The following NETO1 variants were observed in gnomAD, a reference collection of about 807,000 sequenced individuals.
The protein encoded by NETO1 is neuropilin and tolloid like 1, also known as neuropilin and tolloid-like protein 1.
NETO1 carries 26 observed loss-of-function variants against 61.3 expected under a neutral mutation model. The ratio of observed to expected loss-of-function variants is 0.42; its 90% CI spans 0.31 to 0.59. The LOEUF (loss-of-function observed/expected upper bound fraction) is 0.59, where lower values mean the gene tolerates loss of function less well. Among genes scored for constraint, NETO1 ranks in the 20% least tolerant of loss-of-function variants. The pLI, the probability that NETO1 is intolerant of heterozygous loss-of-function variation, is 0.12. For synonymous variants in NETO1, 225 were observed against 225.8 expected, an observed-to-expected ratio of 1.00 and a Z score of 0.03; for missense variants, 531 against 662.8, an observed-to-expected ratio of 0.80 and a Z score of 2.18.
intron 4 of NETO1, among the ~76,000 whole-genome samples, chr18:72,814,480 AAG>A (rs1263243501): frequency 1.3e-5 from 2 of 152,076 alleles, no homozygotes; most frequent in African/African-American, 2.4e-5. Context: ...AAAGAAAAAA[AAG>A]AAATAAAACA....
rs751799863 is a variant in NETO1 at position 72,750,052 on chromosome 18, T to C, written c.1541+10A>G. ...TTATAGTTGTCATCAAAAAATCTAT[T>C]GATACTGACCGCTGGACGGCTTTAT... On this transcript the variant is annotated intron_variant, in intron 9 of 10. Transcript: ENST00000327305. 1.3e-6 allele frequency: 2 copies of C among 1,541,414 alleles called. No homozygotes were observed. The highest frequency in any genetic ancestry group is 8.7e-7 in the Non-Finnish European group (1 of 1,144,194).
At chr18:72,761,004 TACC>T (rs1018313619) in intron 7 of NETO1, among the ~76,000 whole-genome samples, 6 of 152,202 alleles carry the variant, frequency 3.9e-5, no homozygotes, top group Admixed American at 3.3e-4. Flanking sequence ...GTTCTTGAAC[TACC>T]ACCACCGTTA....
intron 4 of NETO1, among the ~76,000 whole-genome samples, chr18:72,858,037 T>C (rs1055351411): frequency 1.3e-5 from 2 of 152,152 alleles, no homozygotes; most frequent in African/African-American, 4.8e-5. Context: ...AAACAATACA[T>C]ACAAACTGAA....
Position 72,858,895 on chromosome 18 carries a change from A to T in NETO1, c.400T>A (p.Trp134Arg), listed in dbSNP as rs1342487989. ...PVIKSSGRFL[W>R]IKFFADGELE... ...TCTCCATCAGCAAAAAATTTAATCC[A>T]TAGAAATCTTCCACTGGATTTTATG... Residue 134 changes from tryptophan to arginine, a missense_variant, in exon 4 of 11, where the codon TGG becomes AGG. Coordinates refer to ENST00000327305, the MANE Select transcript of NETO1 (RefSeq NM_138966.5). 4 of 1,613,948 alleles carry T rather than the reference A, an allele frequency of 2.5e-6. No homozygotes were observed. Among genetic ancestry groups the T allele is most frequent in the Non-Finnish European group, 3.4e-6 (4 of 1,179,870 alleles).
chr18:72,848,738 C>T (rs2074163463), intron 4 of NETO1, among the ~76,000 whole-genome samples: 1 of 152,138 alleles, frequency 6.6e-6, no homozygotes, highest in Admixed American at 6.5e-5. Flanking sequence ...CCTGAGTCAG[C>T]CTACTGACAC....
At chr18:72,867,228 C>A in intron 1 of NETO1, 36 bp downstream of exon 1, 1 of 1,516,194 alleles carries the variant, frequency 6.6e-7, no homozygotes. Context: ...AGGGCTGGCT[C>A]CGGGAGCGCA....
intron 4 of NETO1, among the ~76,000 whole-genome samples, chr18:72,854,500 T>TA (rs148285573): frequency 0.024 from 3,723 of 152,248 alleles, 125 homozygotes; most frequent in African/African-American, 0.085. Flanking sequence ...TACCTGTCAT[T>TA]AAAGAGACTG....
At chr18:72,791,796 T>C (rs2072127838) in intron 6 of NETO1, among the ~76,000 whole-genome samples, 1 of 152,162 alleles carries the variant, frequency 6.6e-6, no homozygotes, top group Non-Finnish European at 1.5e-5. Context: ...GAAAAATAAA[T>C]AGCCCTTGCA....
intron 4 of NETO1, among the ~76,000 whole-genome samples, chr18:72,823,538 T>A (rs909588807): frequency 2.0e-5 from 3 of 151,892 alleles, no homozygotes; most frequent in Admixed American, 6.6e-5. Context: ...CAAAGGGACA[T>A]CAGTGAACCC....
At chr18:72,794,047 T>C in intron 6 of NETO1, 70 bp downstream of exon 6, 1 of 1,599,210 alleles carries the variant, frequency 6.3e-7, no homozygotes, top group Non-Finnish European at 8.6e-7. Context: ...TCCAGTTGCT[T>C]CAAAGCAATG....
chr18:72,855,007 T>C (rs1352397493), intron 4 of NETO1, among the ~76,000 whole-genome samples: 1 of 152,188 alleles, frequency 6.6e-6, no homozygotes, highest in African/African-American at 2.4e-5. Flanking sequence ...CCAAACTTGA[T>C]TTAAAACTTG....
At chr18:72,843,495 C>T (rs950746256) in intron 4 of NETO1, among the ~76,000 whole-genome samples, 1 of 152,030 alleles carries the variant, frequency 6.6e-6, no homozygotes, top group African/African-American at 2.4e-5. Flanking sequence ...GAGGCCATTC[C>T]TAAAAGGAAG....
intron 7 of NETO1, among the ~76,000 whole-genome samples, chr18:72,769,270 C>T (rs1281505013): frequency 2.6e-5 from 4 of 152,050 alleles, no homozygotes; most frequent in African/African-American, 7.2e-5. Context: ...GTGGGCTTAC[C>T]GTCAGGATCT....
intron 4 of NETO1, among the ~76,000 whole-genome samples, chr18:72,842,994 A>G (rs2073980997): frequency 6.6e-6 from 1 of 152,154 alleles, no homozygotes; most frequent in African/African-American, 2.4e-5. Context: ...TTATACCATT[A>G]TTTCACTTGA....
chr18:72,822,362 C>T (rs370286467), intron 4 of NETO1, among the ~76,000 whole-genome samples: 26 of 152,244 alleles, frequency 1.7e-4, no homozygotes, highest in Middle Eastern at 3.4e-3. Context: ...CCTGGGAAAG[C>T]GGGCACTGGG....
chr18:72,836,823 T>A (rs943960039), intron 4 of NETO1, among the ~76,000 whole-genome samples: 1 of 152,118 alleles, frequency 6.6e-6, no homozygotes, highest in Admixed American at 6.6e-5. Context: ...TTCGTGTATC[T>A]CGGATCTAAC....
intron 4 of NETO1, among the ~76,000 whole-genome samples, chr18:72,811,413 T>C (rs769497587): frequency 6.6e-6 from 1 of 152,216 alleles, no homozygotes; most frequent in African/African-American, 2.4e-5. Context: ...GGCTTTCTTC[T>C]GGATGTTTTG....
intron 7 of NETO1, among the ~76,000 whole-genome samples, chr18:72,769,170 T>C (rs1262780438): frequency 3.3e-5 from 5 of 152,158 alleles, no homozygotes; most frequent in Admixed American, 3.3e-4. Flanking sequence ...ACATTTTTTT[T>C]CTAATTATTA....
chr18:72,816,506 T>G (rs185015172), intron 4 of NETO1, among the ~76,000 whole-genome samples: 2 of 152,148 alleles, frequency 1.3e-5, no homozygotes, highest in East Asian at 3.9e-4. Context: ...ACCTGCAACA[T>G]GGGCCATTTG....
Sources: gnomAD v4.1 joint callset for allele counts (sites outside exome capture counted in the v4.1 genomes callset) on GRCh38, gnomAD v4.1.1 for gene constraint, MANE v1.5 for transcripts, NCBI Gene and HGNC (gene_info 2026-07-23, HGNC 2026-07-21) for gene names.